The following CNGB1 variants were observed in gnomAD, a reference collection of about 807,000 sequenced individuals.
CNGB1 encodes the protein cyclic nucleotide gated channel subunit beta 1.
A neutral mutation model predicts 151.7 loss-of-function variants in CNGB1; 126 were observed. The observed-to-expected ratio is 0.83, with a 90% confidence interval of 0.72 to 0.96. The LOEUF (loss-of-function observed/expected upper bound fraction) is 0.96. CNGB1 is among the 40% of genes least tolerant of loss of function. The pLI is 0.00. For missense variants in CNGB1, 1,698 were observed against 1,627.0 expected, an observed-to-expected ratio of 1.04 and a Z score of -0.75; for synonymous variants, 623 against 635.1, an observed-to-expected ratio of 0.98 and a Z score of 0.29.
intron 12 of CNGB1, among the ~76,000 whole-genome samples, chr16:57,951,498 G>A (rs1961947544): frequency 6.6e-6 from 1 of 152,154 alleles, no homozygotes; most frequent in Admixed American, 6.5e-5. Context: ...TGGGACTACA[G>A]GCATGCACCA....
chr16:57,900,966 G>A (rs1414974035), intron 29 of CNGB1, among the ~76,000 whole-genome samples: 1 of 152,036 alleles, frequency 6.6e-6, no homozygotes, highest in Non-Finnish European at 1.5e-5. Context: ...TTTTCCTGAT[G>A]GGAAGATGGA....
rs71155220 is a variant in CNGB1 at position 57,936,802 on chromosome 16, A to AC, written c.1372+2627_1372+2628insG. Among the ~76,000 whole-genome samples, 49 of 124,584 alleles carry AC rather than the reference A, an allele frequency of 3.9e-4. No individual in the cohort carries two copies. The South Asian group carries it at 7.8e-3, about 20-fold the overall frequency. The allele number at this position is 124,584 out of a possible 152,430, so 81.7% of individuals were successfully genotyped here. A position where few individuals can be genotyped will look rare whatever the true frequency, so the allele number is the denominator to read the frequency against. On this transcript the variant is annotated intron_variant, in intron 16 of 32. Coordinates refer to ENST00000251102, the MANE Select transcript of CNGB1 (RefSeq NM_001297.5). ...TCTGTCTCAAAAAACAAACAAACAA[A>AC]AAAAAAACAAAAGAAAAGAGAGAAA...
intron 14 of CNGB1, among the ~76,000 whole-genome samples, chr16:57,945,308 G>A (rs1222366068): frequency 1.3e-5 from 2 of 152,200 alleles, no homozygotes; most frequent in Non-Finnish European, 2.9e-5. Flanking sequence ...GGGATGACTG[G>A]ATGACTTTCC....
At chr16:57,961,086 C>G (rs1339419572) in intron 7 of CNGB1, among the ~76,000 whole-genome samples, 171 bp from the exon 8 acceptor site, 1 of 152,182 alleles carries the variant, frequency 6.6e-6, no homozygotes, top group Non-Finnish European at 1.5e-5. Flanking sequence ...GTGGGGAAAT[C>G]CTGTCAGCCT....
rs200874869 is a variant in CNGB1, at chr16:57,919,109, G to A, written c.1947C>T (p.Asp649=). 2.5e-6 allele frequency: 4 copies of A among 1,614,198 alleles called. No homozygotes were observed. The African/African-American group carries it at 4.0e-5, about 16-fold the overall frequency. Residue 649 remains aspartate, a synonymous_variant, in exon 20 of 33, where the codon GAC becomes GAT. Coordinates refer to ENST00000251102, the MANE Select transcript of CNGB1 (RefSeq NM_001297.5). Reference sequence around the variant, plus strand: ...TTCCCCAGGACTCACTGGTCAGCGGGTCAATGCTCTGGGGAAACTGGTACT... The same window carrying A: ...TTCCCCAGGACTCACTGGTCAGCGGATCAATGCTCTGGGGAAACTGGTACT... ...WKKYQFPQSI[D]PLTNLMYVLW... is the part of the protein sequence containing the mutation.
chr16:57,887,916 GC>G lies in CNGB1; in HGVS notation c.3400del (p.Ala1134ProfsTer90). Reference sequence around the variant, plus strand: ...CAGCGCGGCCAGTTCTTTGAGCCGGGCCCGGAGGTGAGCAAGTTTGCCGCCT... The same window carrying G: ...CAGCGCGGCCAGTTCTTTGAGCCGGGCCGGAGGTGAGCAAGTTTGCCGCCT... ...AKGGKLAHLR[A>X]RLKELAALEA... is the part of the protein sequence containing the mutation. On this transcript the variant is annotated frameshift_variant, in exon 32 of 33. Coordinates refer to ENST00000251102, the MANE Select transcript of CNGB1 (RefSeq NM_001297.5). LOFTEE classifies it high-confidence loss of function. 1 of 1,614,206 alleles carries G rather than the reference GC, an allele frequency of 6.2e-7. No individual in the cohort carries two copies. The highest frequency in any genetic ancestry group is 8.5e-7 in the Non-Finnish European group (1 of 1,180,048).
chr16:57,903,576 G>T (rs1168373714), intron 27 of CNGB1, among the ~76,000 whole-genome samples: 1 of 152,190 alleles, frequency 6.6e-6, no homozygotes, highest in Non-Finnish European at 1.5e-5. Flanking sequence ...GTAAAGTGAG[G>T]GGGGCAGGCA....
intron 31 of CNGB1, among the ~76,000 whole-genome samples, chr16:57,888,738 C>G (rs1452361135): frequency 6.6e-6 from 1 of 150,436 alleles, no homozygotes; most frequent in African/African-American, 2.5e-5. Flanking sequence ...AGGTGTGAGG[C>G]ACCGCGCCTG....
At chr16:57,920,235 A>G (rs1324662681) in intron 19 of CNGB1, 152 bp downstream of exon 19, 3 of 840,346 alleles carry the variant, frequency 3.6e-6, no homozygotes, top group African/African-American at 3.4e-5. Context: ...CAACCTGTAC[A>G]TATGGATCCC....
intron 32 of CNGB1, among the ~76,000 whole-genome samples, chr16:57,885,748 C>T (rs1423105412): frequency 6.6e-6 from 1 of 152,064 alleles, no homozygotes; most frequent in African/African-American, 2.4e-5. Flanking sequence ...TGTGTGCCAT[C>T]ATGCCTGGCT....
rs114514618 is a variant in CNGB1 at position 57,882,646 on chromosome 16, A to C, written c.*1518T>G. The C allele has an allele frequency of 6.7e-3, 1,024 of 152,186 alleles. 13 individuals carry two copies. The highest frequency in any genetic ancestry group is 0.024 in the African/African-American group (987 of 41,516). The allele number at this position is 152,186 out of a possible 1,614,324, so 9.4% of individuals were successfully genotyped here. ...TTGGAATTCCAGGTCCTTTATGTTCACTGTTGCAGGTGGAAACAAATGGCC... is the reference window on the plus strand; with the variant it reads ...TTGGAATTCCAGGTCCTTTATGTTCCCTGTTGCAGGTGGAAACAAATGGCC... On this transcript the variant is annotated 3_prime_UTR_variant, in exon 33 of 33. Transcript: ENST00000251102.
In CNGB1 at chr16:57,904,768, G is replaced by A. The variant is rs759367882; in HGVS notation, c.2600C>T (p.Thr867Met). The change falls in exon 26 of 33, where the codon ACG (threonine) becomes ATG (methionine). Residue 867 changes from threonine (T) to methionine (M), a missense_variant. Physicochemically the swap from Thr to Met is moderately conservative, Grantham distance 81. Coordinates refer to ENST00000251102, the MANE Select transcript of CNGB1 (RefSeq NM_001297.5). ...EIVFQLLNYFTGVFAFSVMIG... is the reference protein window; with the variant it reads ...EIVFQLLNYFMGVFAFSVMIG... ...CATCACAGAGAAAGCAAAGACGCCC[G>A]TGAAATAATTCAGCAGCTGGAAGAC... 9 of 1,614,082 alleles carry A rather than the reference G, an allele frequency of 5.6e-6. No individual in the cohort carries two copies. Among genetic ancestry groups the A allele is most frequent in the African/African-American group, 4.0e-5 (3 of 74,924 alleles).
intron 2 of CNGB1, 71 bp downstream of exon 2, chr16:57,967,057 G>A (rs1201374894): frequency 6.2e-7 from 1 of 1,606,730 alleles, no homozygotes; most frequent in African/African-American, 1.3e-5. Flanking sequence ...TCCCTGGAGA[G>A]CAGATGGCCC....
chr16:57,960,188 C>T, intron 9 of CNGB1, 123 bp from the exon 10 acceptor site: 4 of 1,478,846 alleles, frequency 2.7e-6, no homozygotes, highest in South Asian at 2.6e-5. Flanking sequence ...TTTGGGACCA[C>T]CTCACCCATC....
chr16:57,927,658 C>T (rs1020760749), intron 17 of CNGB1, among the ~76,000 whole-genome samples: 2 of 152,218 alleles, frequency 1.3e-5, no homozygotes, highest in Non-Finnish European at 2.9e-5. Flanking sequence ...CAAGAGGAGC[C>T]TCACAGGCCC....
At chr16:57,962,006 C>A (rs1414793258) in intron 7 of CNGB1, among the ~76,000 whole-genome samples, 6 of 152,212 alleles carry the variant, frequency 3.9e-5, no homozygotes, top group Non-Finnish European at 7.3e-5. Flanking sequence ...TTTCTAGCTT[C>A]TCTGGAAAAC....
At chr16:57,919,490 C>A (rs948077010) in intron 19 of CNGB1, among the ~76,000 whole-genome samples, 3 of 152,178 alleles carry the variant, frequency 2.0e-5, no homozygotes, top group African/African-American at 7.2e-5. Flanking sequence ...TTACCAATTA[C>A]AGTCTGGAAC....
chr16:57,958,329 CAACCAT>C, intron 11 of CNGB1, 75 bp downstream of exon 11: 11 of 1,341,838 alleles, frequency 8.2e-6, no homozygotes, highest in South Asian at 1.2e-5. Context: ...GCCACAGGGC[CAACCAT>C]CCTCCTCCTT....
At chr16:57,901,488 C>A in intron 28 of CNGB1, 40 bp downstream of exon 28, 2 of 1,611,802 alleles carry the variant, frequency 1.2e-6, no homozygotes, top group Admixed American at 1.7e-5. Context: ...GGGCTTGGAG[C>A]CTCCCACAGC....
Sources: gnomAD v4.1 joint callset for allele counts (sites outside exome capture counted in the v4.1 genomes callset) on GRCh38, gnomAD v4.1.1 for gene constraint, MANE v1.5 for transcripts, NCBI Gene and HGNC (gene_info 2026-07-23, HGNC 2026-07-21) for gene names.